The following PPP2R2D variants were observed in gnomAD, a reference collection of about 807,000 sequenced individuals.
The protein encoded by PPP2R2D is serine/threonine-protein phosphatase 2A 55 kDa regulatory subunit B delta isoform.
In PPP2R2D, 9 loss-of-function variants were observed where a neutral mutation model predicts 31.1. The observed-to-expected ratio is 0.29, with a 90% CI of 0.17 to 0.51. The LOEUF (loss-of-function observed/expected upper bound fraction) is 0.51, where lower values mean the gene tolerates loss of function less well. PPP2R2D is among the 20% of genes least tolerant of loss of function. The probability of loss-of-function intolerance (pLI) is 0.98; values close to 1 mark genes in which losing one functional copy is unlikely to be tolerated. For missense variants in PPP2R2D, 391 were observed against 465.6 expected, an observed-to-expected ratio of 0.84 and a Z score of 1.48; for synonymous variants, 179 against 172.6, an observed-to-expected ratio of 1.04 and a Z score of -0.29.
chr10:131,939,895 C>G, intron 3 of PPP2R2D, 136 bp from the exon 4 acceptor site: 1 of 361,246 alleles, frequency 2.8e-6, no homozygotes, highest in Non-Finnish European at 5.1e-6. Flanking sequence ...CCCTGAGTTT[C>G]ATCTGAGATT....
chr10:131,912,622 A>C (rs2035702605), intron 2 of PPP2R2D: 1 of 152,276 alleles, frequency 6.6e-6, no homozygotes, highest in South Asian at 2.1e-4. Flanking sequence ...TGTTGCCTTC[A>C]TCATACACAT....
At chr10:131,950,567 G>C (rs1214265921) in intron 8 of PPP2R2D, among the ~76,000 whole-genome samples, 1 of 152,094 alleles carries the variant, frequency 6.6e-6, no homozygotes, top group Admixed American at 6.6e-5. Flanking sequence ...GCTCGTTCAA[G>C]AATCTGCTTG....
intron 3 of PPP2R2D, among the ~76,000 whole-genome samples, chr10:131,937,804 T>C (rs923763748): frequency 1.3e-5 from 2 of 152,230 alleles, no homozygotes; most frequent in African/African-American, 4.8e-5. Flanking sequence ...GTTCCACTTT[T>C]CTCCCTTGAA....
At chr10:131,968,533 G>A in the PPP2R2D span, 2 of 1,599,810 alleles carry the variant, frequency 1.3e-6, no homozygotes, top group Non-Finnish European at 1.7e-6. Flanking sequence ...ATCAAAAGGT[G>A]CTGGTGGAGG....
rs2036558591 is a variant in PPP2R2D, at chr10:131,947,188, C to G, written c.821-342C>G. Among the ~76,000 whole-genome samples, 1 of 152,184 alleles carries G rather than the reference C, an allele frequency of 6.6e-6. No homozygotes were observed. The highest frequency in any genetic ancestry group is 2.1e-4 in the South Asian group (1 of 4,832). On this transcript the variant is annotated intron_variant, in intron 7 of 8. Coordinates refer to ENST00000455566, the MANE Select transcript of PPP2R2D (RefSeq NM_018461.5). The surrounding 1 kb of genome is among the most constrained non-coding windows in gnomAD (Gnocchi z 4.3). ...CCTACAGGAATGCGGTGGTGCTGAACCTGGGCACACATCAGGATGCCCCGA... is the reference window on the plus strand; with the variant it reads ...CCTACAGGAATGCGGTGGTGCTGAAGCTGGGCACACATCAGGATGCCCCGA...
rs374437298 is a variant in PPP2R2D, at chr10:131,959,189, T to A, written c.*3226T>A. On this transcript the variant is annotated 3_prime_UTR_variant, in exon 9 of 9. Transcript: ENST00000455566. Reference sequence around the variant, plus strand: ...CCCGGTCCCCCTGTGGAGATGAAGGTGTGTGCTGATCCCCCGTCCTCCTGT... The same window carrying A: ...CCCGGTCCCCCTGTGGAGATGAAGGAGTGTGCTGATCCCCCGTCCTCCTGT... 1.8e-5 allele frequency: 2 copies of A among 112,872 alleles called. No individual in the cohort carries two copies. The highest frequency in any genetic ancestry group is 3.3e-5 in the Non-Finnish European group (2 of 60,950). The allele number at this position is 112,872 out of a possible 1,614,324, so 7.0% of individuals were successfully genotyped here.
At chr10:131,906,035 A>C (rs2035576016) in intron 2 of PPP2R2D, among the ~76,000 whole-genome samples, 1 of 152,256 alleles carries the variant, frequency 6.6e-6, no homozygotes. Flanking sequence ...ACCAATTCTC[A>C]AACTATTTGA....
At position 131,947,848 on chromosome 10, in the gene PPP2R2D, A is replaced by C; in HGVS notation, c.1082+57A>C. On this transcript the variant is annotated intron_variant, in intron 8 of 8. Coordinates refer to ENST00000455566, the MANE Select transcript of PPP2R2D (RefSeq NM_018461.5). The surrounding 1 kb of genome is among the most constrained non-coding windows in gnomAD (Gnocchi z 4.3). Reference sequence around the variant, plus strand: ...CAAGCTTGCTGGTTTCCGAGAGTGCAAGGTCAGTGAGGGAGGCGAGCTGTC... The same window carrying C: ...CAAGCTTGCTGGTTTCCGAGAGTGCCAGGTCAGTGAGGGAGGCGAGCTGTC... The C allele has an allele frequency of 6.3e-7, 1 of 1,588,640 alleles. No homozygotes were observed. The highest frequency in any genetic ancestry group is 2.2e-5 in the East Asian group (1 of 44,460).
At chr10:131,936,180 C>T (rs2036335985) in intron 3 of PPP2R2D, among the ~76,000 whole-genome samples, 1 of 151,690 alleles carries the variant, frequency 6.6e-6, no homozygotes, top group Non-Finnish European at 1.5e-5. Flanking sequence ...TGGAGTCTTG[C>T]TCTGTCACCT....
rs1245679903 is a variant in PPP2R2D at position 131,945,493 on chromosome 10, T to A, written c.820+34T>A. ...GTCTGTTGTTGAGATGGAGTCTGGC[T>A]CTGTCACCCAGGCTGCGGTGCAGTG... On this transcript the variant is annotated intron_variant, in intron 7 of 8. Coordinates refer to ENST00000455566, the MANE Select transcript of PPP2R2D (RefSeq NM_018461.5). The surrounding 1 kb of genome is among the most constrained non-coding windows in gnomAD (Gnocchi z 4.8). 1.9e-6 allele frequency: 3 copies of A among 1,569,982 alleles called. No homozygotes were observed. Among genetic ancestry groups the A allele is most frequent in the Non-Finnish European group, 2.6e-6 (3 of 1,152,664 alleles).
intron 2 of PPP2R2D, among the ~76,000 whole-genome samples, chr10:131,907,034 T>C (rs997896953): frequency 2.6e-5 from 4 of 152,022 alleles, no homozygotes; most frequent in East Asian, 1.9e-4. Context: ...TAATGTCTTT[T>C]ATATGTATAT....
intron 2 of PPP2R2D, among the ~76,000 whole-genome samples, chr10:131,901,782 C>T (rs1404663280): frequency 2.0e-5 from 3 of 152,080 alleles, no homozygotes; most frequent in African/African-American, 7.2e-5. Context: ...GGGTCGGGGC[C>T]TCGGCCCCCA....
chr10:131,967,457 A>G, the PPP2R2D span: 1 of 152,256 alleles, frequency 6.6e-6, no homozygotes, highest in Non-Finnish European at 1.5e-5. Flanking sequence ...CTCCAAATGT[A>G]AGACTGAGAG....
chr10:131,940,435 C>T, intron 4 of PPP2R2D, 147 bp from the exon 5 acceptor site: 2 of 603,536 alleles, frequency 3.3e-6, no homozygotes, highest in Non-Finnish European at 2.9e-6. Flanking sequence ...GTACAAAACA[C>T]CTCCAATTGG....
intron 2 of PPP2R2D, among the ~76,000 whole-genome samples, chr10:131,907,597 G>T (rs2035615475): frequency 1.3e-5 from 2 of 152,140 alleles, no homozygotes; most frequent in Admixed American, 6.5e-5. Context: ...CAAAAAATCA[G>T]CTGGGTGTGG....
chr10:131,946,842 G>C (rs782511709), intron 7 of PPP2R2D, among the ~76,000 whole-genome samples: 1 of 152,136 alleles, frequency 6.6e-6, no homozygotes, highest in Admixed American at 6.5e-5. Context: ...AGGTTGAGGC[G>C]GGAGGATCTT....
chr10:131,918,782 GTT>G (rs1554893671), intron 2 of PPP2R2D, among the ~76,000 whole-genome samples: 2 of 147,724 alleles, frequency 1.4e-5, no homozygotes, highest in East Asian at 4.2e-4. Context: ...ATGACACAGT[GTT>G]TGTAGGGACC....
chr10:131,915,846 A>G (rs1453324578), intron 2 of PPP2R2D, among the ~76,000 whole-genome samples: 1 of 152,200 alleles, frequency 6.6e-6, no homozygotes, highest in Non-Finnish European at 1.5e-5. Flanking sequence ...GTATTAACCA[A>G]AATTATTAAT....
chr10:131,960,245 C>T (rs782492130), downstream of PPP2R2D, among the ~76,000 whole-genome samples: 4 of 152,224 alleles, frequency 2.6e-5, no homozygotes, highest in Non-Finnish European at 4.4e-5. Context: ...GCGGAGAAAA[C>T]TTCTCTTTCC....
Sources: gnomAD v4.1 joint callset for allele counts (sites outside exome capture counted in the v4.1 genomes callset) on GRCh38, gnomAD v4.1.1 for gene constraint, Gnocchi (gnomAD v3.1) non-coding constraint, MANE v1.5 for transcripts, NCBI Gene and HGNC (gene_info 2026-07-23, HGNC 2026-07-21) for gene names.